FAM78B: variants seen among roughly 807,000 people sequenced by gnomAD.
FAM78B encodes the protein protein FAM78B.
Under a neutral mutation model 20.0 loss-of-function variants are expected in FAM78B, and 10 were observed. The ratio of observed to expected loss-of-function variants is 0.50; its 90% CI spans 0.31 to 0.85. FAM78B has a LOEUF of 0.85. FAM78B is among the 40% of genes least tolerant of loss of function. The pLI, the probability that FAM78B is intolerant of heterozygous loss-of-function variation, is 0.05. For missense variants in FAM78B, 283 were observed against 345.0 expected, an observed-to-expected ratio of 0.82 and a Z score of 1.42; for synonymous variants, 135 against 132.8, an observed-to-expected ratio of 1.02 and a Z score of -0.12.
chr1:166,090,931 C>T (rs920626003), intron 1 of FAM78B, among the ~76,000 whole-genome samples: 2 of 152,174 alleles, frequency 1.3e-5, no homozygotes, highest in African/African-American at 2.4e-5. Context: ...CACAACAACC[C>T]AGTGAAGCTG....
At chr1:166,114,737 C>T (rs1282722265) in intron 1 of FAM78B, among the ~76,000 whole-genome samples, 2 of 152,166 alleles carry the variant, frequency 1.3e-5, no homozygotes, top group African/African-American at 4.8e-5. Context: ...GGAGCCTTCC[C>T]AGAAGAGAAT....
intron 1 of FAM78B, among the ~76,000 whole-genome samples, chr1:166,151,506 G>A (rs1655674241): frequency 6.6e-6 from 1 of 152,154 alleles, no homozygotes; most frequent in Non-Finnish European, 1.5e-5. Context: ...AAACATTCCT[G>A]GGTTCTGATC....
intron 1 of FAM78B, among the ~76,000 whole-genome samples, chr1:166,132,306 G>A (rs1015494714): frequency 1.4e-5 from 2 of 147,492 alleles, no homozygotes; most frequent in East Asian, 2.1e-4. Context: ...CCTAACCCTC[G>A]CGGTGTGAAG....
chr1:166,165,972 G>A lies in FAM78B; in HGVS notation c.263+14C>T. On this transcript the variant is annotated intron_variant, in intron 1 of 1. Coordinates refer to ENST00000354422, the MANE Select transcript of FAM78B (RefSeq NM_001017961.5). The stretch of plus-strand genomic sequence containing the variant: ...CCCAGAGTCCGCTCCCGTGCCGCGC[G>A]GCGAGTCGCTTACATGCCCAGGTCG... The A allele has an allele frequency of 1.2e-6, 2 of 1,613,496 alleles. No homozygotes were observed. The highest frequency in any genetic ancestry group is 2.2e-5 in the East Asian group (1 of 44,836).
chr1:166,097,211 C>T (rs909705844), intron 1 of FAM78B, among the ~76,000 whole-genome samples: 1 of 152,202 alleles, frequency 6.6e-6, no homozygotes, highest in South Asian at 2.1e-4. Flanking sequence ...CAGAAAGGCC[C>T]TGGGAGCTTG....
At chr1:166,162,099 G>A (rs562680041) in intron 1 of FAM78B, among the ~76,000 whole-genome samples, 5 of 152,296 alleles carry the variant, frequency 3.3e-5, no homozygotes, top group African/African-American at 4.8e-5. Context: ...AGAGAAGCCC[G>A]TCTACAAGGA....
At chr1:166,161,041 G>A (rs954900525) in intron 1 of FAM78B, among the ~76,000 whole-genome samples, 1 of 152,246 alleles carries the variant, frequency 6.6e-6, no homozygotes, top group Non-Finnish European at 1.5e-5. Context: ...ATTTCAGATG[G>A]AGAGCGGCAT....
intron 1 of FAM78B, among the ~76,000 whole-genome samples, chr1:166,073,526 CTCTT>C (rs375614837): frequency 2.3e-4 from 33 of 140,462 alleles, no homozygotes; most frequent in Non-Finnish European, 3.9e-4. Context: ...CCCTTCCTTT[CTCTT>C]TCTCTCTTTT....
At chr1:166,111,235 A>G (rs1205966832) in intron 1 of FAM78B, among the ~76,000 whole-genome samples, 2 of 152,210 alleles carry the variant, frequency 1.3e-5, no homozygotes, top group Non-Finnish European at 1.5e-5. Context: ...CTTCTGCATC[A>G]AGGACACTCC....
chr1:166,109,886 A>ATATG (rs1233745983), intron 1 of FAM78B, among the ~76,000 whole-genome samples: 1,265 of 18,120 alleles, frequency 0.07, 178 homozygotes, highest in Non-Finnish European at 0.099. Flanking sequence ...ATATATGTAT[A>ATATG]TATGTATATA....
downstream of FAM78B, among the ~76,000 whole-genome samples, chr1:166,066,511 G>A (rs1008297988): frequency 3.9e-5 from 6 of 152,146 alleles, no homozygotes; most frequent in African/African-American, 1.4e-4. Context: ...ATGGAAGTTG[G>A]AGCCAAAAGG....
intron 1 of FAM78B, among the ~76,000 whole-genome samples, chr1:166,091,995 T>C (rs1653092593): frequency 6.6e-6 from 1 of 151,060 alleles, no homozygotes; most frequent in Non-Finnish European, 1.5e-5. Context: ...CAGGAGAACC[T>C]GGACAGACAC....
chr1:166,074,100 C>A (rs1056987651), intron 1 of FAM78B, among the ~76,000 whole-genome samples: 2 of 152,210 alleles, frequency 1.3e-5, no homozygotes, highest in African/African-American at 4.8e-5. Context: ...ACATGCAAAT[C>A]TGATCATGCT....
intron 1 of FAM78B, among the ~76,000 whole-genome samples, chr1:166,123,847 A>T (rs1169445518): frequency 6.6e-6 from 1 of 152,134 alleles, no homozygotes; most frequent in South Asian, 2.1e-4. Flanking sequence ...TCCAGCAAAA[A>T]TCCTGGGCAA....
intron 1 of FAM78B, among the ~76,000 whole-genome samples, chr1:166,134,755 T>C (rs1258895744): frequency 1.3e-5 from 2 of 152,210 alleles, no homozygotes; most frequent in Non-Finnish European, 2.9e-5. Flanking sequence ...TTAAAACGAT[T>C]AGAAAATGCT....
intron 1 of FAM78B, among the ~76,000 whole-genome samples, chr1:166,104,027 T>C (rs1052462129): frequency 1.3e-5 from 2 of 152,174 alleles, no homozygotes; most frequent in African/African-American, 2.4e-5. Context: ...GCTTCATCCC[T>C]GGGATGCAAG....
intron 1 of FAM78B, 143 bp downstream of exon 1, chr1:166,165,836 TAGGGAGG>T: frequency 1.2e-6 from 1 of 830,142 alleles, no homozygotes; most frequent in Non-Finnish European, 1.9e-6. Context: ...AACAAAAGCG[TAGGGAGG>T]AGGGAGGTGG....
intron 1 of FAM78B, among the ~76,000 whole-genome samples, chr1:166,095,997 A>G (rs1001735942): frequency 5.3e-5 from 8 of 152,356 alleles, no homozygotes; most frequent in African/African-American, 1.9e-4. Context: ...TGGTTCTCAC[A>G]GGAATGCTCA....
At chr1:166,120,452 T>C (rs1005179968) in intron 1 of FAM78B, among the ~76,000 whole-genome samples, 19 of 152,174 alleles carry the variant, frequency 1.2e-4, no homozygotes, top group Admixed American at 3.3e-4. Flanking sequence ...TGCGGGAACA[T>C]GGGTCGAGGC....
Sources: gnomAD v4.1 joint callset for allele counts (sites outside exome capture counted in the v4.1 genomes callset) on GRCh38, gnomAD v4.1.1 for gene constraint, MANE v1.5 for transcripts, NCBI Gene and HGNC (gene_info 2026-07-23, HGNC 2026-07-21) for gene names.